The following TEKT5 variants were observed in gnomAD, a reference collection of about 807,000 sequenced individuals.
TEKT5 encodes the protein tektin-5.
A neutral mutation model predicts 48.7 loss-of-function variants in TEKT5; 52 were observed. The ratio of observed to expected loss-of-function variants is 1.07; its 90% CI spans 0.86 to 1.35. The LOEUF (loss-of-function observed/expected upper bound fraction) is 1.35, where lower values mean the gene tolerates loss of function less well. Ranked by LOEUF, TEKT5 falls within the 40% of genes most tolerant of loss-of-function variation. The pLI, the probability that TEKT5 is intolerant of heterozygous loss-of-function variation, is 0.00. For missense variants in TEKT5, 831 were observed against 641.6 expected (o/e 1.30, Z -3.19); for synonymous variants, 318 against 267.6 (o/e 1.19, Z -1.84).
intron 1 of TEKT5, among the ~76,000 whole-genome samples, chr16:10,693,797 C>A (rs961315266): frequency 6.6e-6 from 1 of 152,150 alleles, no homozygotes; most frequent in African/African-American, 2.4e-5. Context: ...TAGCAAAACC[C>A]TGTCTTCACT....
At position 10,627,632 on chromosome 16, in the gene TEKT5, C is replaced by A; in HGVS notation, c.1409G>T (p.Gly470Val). Reference protein sequence around the residue: ...TLCIDKEKCMGMRKTFPCTPR... With the variant: ...TLCIDKEKCMVMRKTFPCTPR... ...GGTGCAGGGGAAGGTCTTACGCATG[C>A]CCATGCACTTCTCCTTGTCGATGCA... The change falls in exon 7 of 7, where the codon GGC (glycine) becomes GTC (valine). Residue 470 changes from glycine to valine, a missense_variant. Gly to Val is a moderately radical substitution (Grantham distance 109). Coordinates refer to ENST00000283025, the MANE Select transcript of TEKT5 (RefSeq NM_144674.2). 6.2e-7 allele frequency: 1 copy of A among 1,614,196 alleles called. No individual in the cohort carries two copies. The highest frequency in any genetic ancestry group is 8.5e-7 in the Non-Finnish European group (1 of 1,180,042).
chr16:10,629,886 ACCCCTCTCCTTCTGAGG>A (rs1897812847), intron 6 of TEKT5, among the ~76,000 whole-genome samples: 1 of 151,758 alleles, frequency 6.6e-6, no homozygotes, highest in African/African-American at 2.4e-5. Flanking sequence ...CTACTTCCTC[ACCCCTCTCCTTCTGAGG>A]CTTTGCTTAT....
chr16:10,689,361 G>A (rs769468690), intron 2 of TEKT5, 38 bp from the exon 3 acceptor site: 3 of 1,536,514 alleles, frequency 2.0e-6, no homozygotes, highest in Non-Finnish European at 2.7e-6. Context: ...GTGCCTCTTA[G>A]AACCTCACAG....
At chr16:10,688,574 G>C (rs1287911573) in intron 3 of TEKT5, among the ~76,000 whole-genome samples, 1 of 152,310 alleles carries the variant, frequency 6.6e-6, no homozygotes, top group Middle Eastern at 3.4e-3. Flanking sequence ...GCAGAGCAGC[G>C]TGCCCTGAAA....
intron 3 of TEKT5, among the ~76,000 whole-genome samples, chr16:10,683,297 C>G (rs11074915): frequency 0.52 from 67,167 of 128,508 alleles, 15,871 homozygotes; most frequent in East Asian, 0.71. Context: ...TCAGGGGCTA[C>G]GTGAGGACAG....
chr16:10,644,434 C>T (rs575550744), intron 5 of TEKT5, among the ~76,000 whole-genome samples: 1 of 152,328 alleles, frequency 6.6e-6, no homozygotes, highest in East Asian at 1.9e-4. Context: ...CTATGCAGAT[C>T]CTTGAGCCCT....
At chr16:10,673,772 T>A (rs1417991834) in intron 5 of TEKT5, among the ~76,000 whole-genome samples, 2 of 150,082 alleles carry the variant, frequency 1.3e-5, no homozygotes, top group Non-Finnish European at 3.0e-5. Flanking sequence ...CGCCTCAGCC[T>A]CCCGAGTAGC....
intron 5 of TEKT5, among the ~76,000 whole-genome samples, chr16:10,675,302 C>T (rs575432683): frequency 6.6e-6 from 1 of 152,248 alleles, no homozygotes; most frequent in Non-Finnish European, 1.5e-5. Context: ...ATTCCTAGTG[C>T]CTAGCGCAGC....
intron 5 of TEKT5, among the ~76,000 whole-genome samples, chr16:10,652,794 A>ACACACACCCC (rs1567228424): frequency 2.0e-5 from 1 of 49,402 alleles, no homozygotes; most frequent in Non-Finnish European, 3.9e-5. Context: ...ACACACACAC[A>ACACACACCCC]CCCTCCAGGC....
intron 4 of TEKT5, among the ~76,000 whole-genome samples, 198 bp from the exon 5 acceptor site, chr16:10,676,379 C>A (rs1482764560): frequency 1.3e-5 from 2 of 152,160 alleles, no homozygotes. Flanking sequence ...GTTGTGACAA[C>A]CAAAAAATGG....
intron 5 of TEKT5, among the ~76,000 whole-genome samples, chr16:10,672,972 C>T (rs1389854249): frequency 6.6e-6 from 1 of 151,998 alleles, no homozygotes; most frequent in Non-Finnish European, 1.5e-5. Flanking sequence ...TCCTCCTTGC[C>T]TCAGCCTCCT....
At chr16:10,662,876 A>C (rs1898398117) in intron 5 of TEKT5, among the ~76,000 whole-genome samples, 1 of 152,236 alleles carries the variant, frequency 6.6e-6, no homozygotes, top group African/African-American at 2.4e-5. Context: ...GGAGGGAAAG[A>C]TAAGCTCACC....
intron 6 of TEKT5, among the ~76,000 whole-genome samples, chr16:10,630,162 G>C (rs1030544885): frequency 1.3e-5 from 2 of 151,902 alleles, no homozygotes; most frequent in Non-Finnish European, 2.9e-5. Context: ...TCAAACTCCC[G>C]GGCTCAAGCA....
chr16:10,635,724 C>T (rs376457187), intron 6 of TEKT5, 40 bp downstream of exon 6: 13 of 1,592,362 alleles, frequency 8.2e-6, no homozygotes, highest in Non-Finnish European at 1.1e-5. Flanking sequence ...TTCCTGGATT[C>T]CCAGGGGTTC....
rs143667127 is a variant in TEKT5, at chr16:10,653,680, A to C, written c.1087-17762T>G. On this transcript the variant is annotated intron_variant, in intron 5 of 6. Transcript: ENST00000283025. ...GTAATCCAAACACTTTGGGAGGCCA[A>C]GGTGGGGAGATCACCTGAGGTTAGG... Among the ~76,000 whole-genome samples, 216 of 152,320 alleles carry C rather than the reference A, an allele frequency of 1.4e-3. 4 individuals carry two copies. The East Asian group carries it at 0.034, about 24-fold the overall frequency.
At chr16:10,653,696 T>G (rs902537737) in intron 5 of TEKT5, among the ~76,000 whole-genome samples, 3 of 152,150 alleles carry the variant, frequency 2.0e-5, no homozygotes, top group Non-Finnish European at 4.4e-5. Flanking sequence ...GGAGATCACC[T>G]GAGGTTAGGA....
intron 5 of TEKT5, among the ~76,000 whole-genome samples, chr16:10,652,517 T>C (rs1405537240): frequency 1.0e-5 from 1 of 95,912 alleles, no homozygotes; most frequent in East Asian, 3.2e-4. Flanking sequence ...GGTAGAGCGA[T>C]CCCTTATATA....
chr16:10,691,719 TG>T (rs948406228), intron 1 of TEKT5, among the ~76,000 whole-genome samples: 4 of 151,904 alleles, frequency 2.6e-5, no homozygotes, highest in African/African-American at 9.7e-5. Context: ...GAGGCTGAGG[TG>T]GGCGGATCAC....
intron 3 of TEKT5, 131 bp from the exon 4 acceptor site, chr16:10,682,267 C>A: frequency 1.0e-6 from 1 of 957,172 alleles, no homozygotes; most frequent in Non-Finnish European, 1.6e-6. Flanking sequence ...GTCCTCTTCC[C>A]ACCTCCATGT....
Sources: gnomAD v4.1 joint callset for allele counts (sites outside exome capture counted in the v4.1 genomes callset) on GRCh38, gnomAD v4.1.1 for gene constraint, MANE v1.5 for transcripts, NCBI Gene and HGNC (gene_info 2026-07-23, HGNC 2026-07-21) for gene names.